The following ASIC2 variants were observed in gnomAD, a reference collection of about 807,000 sequenced individuals.
ASIC2 encodes the protein acid sensing ion channel subunit 2.
ASIC2 carries 25 observed loss-of-function variants against 57.3 expected under a neutral mutation model. The ratio of observed to expected loss-of-function variants is 0.44; its 90% CI spans 0.32 to 0.61. The LOEUF (loss-of-function observed/expected upper bound fraction) is 0.61. ASIC2 is among the 20% of genes least tolerant of loss of function. The probability of loss-of-function intolerance (pLI) is 0.06; values close to 1 mark genes in which losing one functional copy is unlikely to be tolerated. For synonymous variants in ASIC2, 319 were observed against 307.5 expected, an observed-to-expected ratio of 1.04 and a Z score of -0.39; for missense variants, 641 against 738.1, an observed-to-expected ratio of 0.87 and a Z score of 1.52.
At chr17:34,092,028 T>C (rs1299820827) in intron 1 of ASIC2, among the ~76,000 whole-genome samples, 2 of 151,096 alleles carry the variant, frequency 1.3e-5, no homozygotes, top group Non-Finnish European at 2.9e-5. Context: ...AGCGATATAC[T>C]GTGGCTGTGG....
intron 1 of ASIC2, among the ~76,000 whole-genome samples, chr17:33,919,558 T>TA (rs938687487): frequency 4.6e-5 from 7 of 151,970 alleles, no homozygotes; most frequent in South Asian, 2.1e-4. Flanking sequence ...TCAAGCTATA[T>TA]AAAAAAAATC....
chr17:33,391,499 T>G (rs1055057532), intron 1 of ASIC2, among the ~76,000 whole-genome samples: 1 of 152,204 alleles, frequency 6.6e-6, no homozygotes, highest in South Asian at 2.1e-4. Context: ...AAGCAAAAAG[T>G]TTTTTACAAT....
At chr17:33,143,691 A>G (rs1904423706) in intron 1 of ASIC2, among the ~76,000 whole-genome samples, 1 of 152,200 alleles carries the variant, frequency 6.6e-6, no homozygotes, top group African/African-American at 2.4e-5. Context: ...TAGTTTCCAT[A>G]GCAACGATAG....
chr17:33,303,977 G>C (rs568885474), intron 1 of ASIC2, among the ~76,000 whole-genome samples: 8 of 152,292 alleles, frequency 5.3e-5, no homozygotes, highest in African/African-American at 1.9e-4. Flanking sequence ...ATACCCTAGG[G>C]TTCCCCAAGG....
chr17:33,443,029 G>A (rs1597729145), intron 1 of ASIC2, among the ~76,000 whole-genome samples: 2 of 152,198 alleles, frequency 1.3e-5, no homozygotes, highest in East Asian at 3.9e-4. Context: ...CACTTATTGT[G>A]ATTGTATGGT....
intron 1 of ASIC2, among the ~76,000 whole-genome samples, chr17:34,020,632 G>T (rs888224950): frequency 1.3e-5 from 2 of 152,158 alleles, no homozygotes; most frequent in Admixed American, 1.3e-4. Flanking sequence ...AAAACCAGAA[G>T]CCTCCAGGAG....
intron 1 of ASIC2, among the ~76,000 whole-genome samples, chr17:34,032,032 A>G (rs1182369904): frequency 2.6e-5 from 4 of 152,214 alleles, no homozygotes; most frequent in Admixed American, 6.5e-5. Flanking sequence ...ATACTCCTCG[A>G]GAAGAGCAAC....
At chr17:33,518,217 T>C (rs913433682) in intron 1 of ASIC2, among the ~76,000 whole-genome samples, 5 of 152,204 alleles carry the variant, frequency 3.3e-5, no homozygotes, top group African/African-American at 1.2e-4. Flanking sequence ...AATTTGGAAA[T>C]TGAAACCTAA....
At chr17:33,039,697 A>C (rs913825182) in intron 3 of ASIC2, among the ~76,000 whole-genome samples, 2 of 152,150 alleles carry the variant, frequency 1.3e-5, no homozygotes, top group African/African-American at 4.8e-5. Context: ...AGGCCCACTC[A>C]CCCAAAGCAT....
At chr17:33,662,291 G>T (rs150945645) in intron 1 of ASIC2, among the ~76,000 whole-genome samples, 1 of 151,966 alleles carries the variant, frequency 6.6e-6, no homozygotes, top group Non-Finnish European at 1.5e-5. Context: ...TAAATGAAGG[G>T]TGTGTTATGA....
chr17:33,816,700 C>T (rs1280052800), intron 1 of ASIC2: 1 of 152,198 alleles, frequency 6.6e-6, no homozygotes, highest in African/African-American at 2.4e-5. Context: ...TACTCACCAG[C>T]CACAGAGAGG....
At chr17:33,158,721 C>T (rs1411928981) in intron 1 of ASIC2, among the ~76,000 whole-genome samples, 1 of 152,230 alleles carries the variant, frequency 6.6e-6, no homozygotes, top group African/African-American at 2.4e-5. Context: ...GCCGTTCAGT[C>T]TCTCTGTTCC....
intron 3 of ASIC2, among the ~76,000 whole-genome samples, chr17:33,031,676 A>G (rs1287835171): frequency 1.3e-5 from 2 of 152,128 alleles, no homozygotes; most frequent in African/African-American, 4.8e-5. Flanking sequence ...CTGCTTACTA[A>G]TCAGTTATGA....
chr17:33,649,929 A>C (rs776668957), intron 1 of ASIC2, among the ~76,000 whole-genome samples: 2 of 152,236 alleles, frequency 1.3e-5, no homozygotes, highest in Non-Finnish European at 2.9e-5. Flanking sequence ...AAAAATATAG[A>C]TAAATTATTT....
At chr17:33,559,572 T>C (rs906010499) in intron 1 of ASIC2, among the ~76,000 whole-genome samples, 3 of 152,226 alleles carry the variant, frequency 2.0e-5, no homozygotes, top group East Asian at 1.9e-4. Context: ...TAGTCACTTA[T>C]GGCAGAGGGC....
intron 1 of ASIC2, among the ~76,000 whole-genome samples, chr17:33,740,427 C>T (rs1175728983): frequency 6.6e-6 from 1 of 152,072 alleles, no homozygotes; most frequent in African/African-American, 2.4e-5. Flanking sequence ...AGAAAAAGTG[C>T]TGAGCAAAAA....
At chr17:34,018,994 A>G (rs986936206) in intron 1 of ASIC2, among the ~76,000 whole-genome samples, 1 of 151,094 alleles carries the variant, frequency 6.6e-6, no homozygotes, top group Non-Finnish European at 1.5e-5. Flanking sequence ...TGCAAGCTCC[A>G]CCTCCCAGGT....
intron 1 of ASIC2, among the ~76,000 whole-genome samples, chr17:33,341,823 C>T (rs1907732043): frequency 1.3e-5 from 2 of 152,154 alleles, no homozygotes; most frequent in Non-Finnish European, 2.9e-5. Context: ...TTGGGATAAA[C>T]TAGAGGGGGC....
At chr17:33,307,588 G>T (rs750719050) in intron 1 of ASIC2, among the ~76,000 whole-genome samples, 1 of 152,198 alleles carries the variant, frequency 6.6e-6, no homozygotes, top group Non-Finnish European at 1.5e-5. Context: ...GGGATTACAG[G>T]CATAAGCCAG....
Sources: allele counts gnomAD v4.1 joint callset (sites outside exome capture counted in the v4.1 genomes callset), GRCh38; gene constraint gnomAD v4.1.1; transcripts MANE v1.5; gene names NCBI Gene and HGNC (gene_info 2026-07-23, HGNC 2026-07-21).